UPP2: variants seen among roughly 807,000 people sequenced by gnomAD.
UPP2 encodes the protein UPase 2.
Under a neutral mutation model 26.7 loss-of-function variants are expected in UPP2, and 23 were observed. The observed-to-expected ratio is 0.86, with a 90% CI of 0.62 to 1.22. The LOEUF (loss-of-function observed/expected upper bound fraction) is 1.22. Among genes scored for constraint, UPP2 ranks in the 50% most tolerant of loss-of-function variants. The pLI, the probability that UPP2 is intolerant of heterozygous loss-of-function variation, is 0.00. For synonymous variants in UPP2, 127 were observed against 141.3 expected (o/e 0.90, Z 0.72); for missense variants, 387 against 396.7 (o/e 0.98, Z 0.21).
At chr2:158,060,875 C>T (rs907460540) in intron 3 of UPP2, among the ~76,000 whole-genome samples, 4 of 152,192 alleles carry the variant, frequency 2.6e-5, no homozygotes, top group Admixed American at 2.0e-4. Context: ...CCCTGATCTT[C>T]GACTTCCGGC....
intron 3 of UPP2, among the ~76,000 whole-genome samples, chr2:158,088,741 G>A (rs975904240): frequency 4.6e-5 from 7 of 152,174 alleles, no homozygotes; most frequent in Admixed American, 1.3e-4. Flanking sequence ...TGCAGTGATT[G>A]TAATTTCTCT....
At chr2:158,083,862 G>T (rs77373443) in intron 3 of UPP2, among the ~76,000 whole-genome samples, 2,880 of 136,050 alleles carry the variant, frequency 0.021, 82 homozygotes, top group African/African-American at 0.072. Flanking sequence ...ATATATATAT[G>T]TTTTTTATAT....
chr2:158,029,901 GT>G, intron 3 of UPP2, among the ~76,000 whole-genome samples: 1 of 151,376 alleles, frequency 6.6e-6, no homozygotes, highest in East Asian at 1.9e-4. Context: ...ACAAAAATGC[GT>G]TTTAGAAAGC....
intron 3 of UPP2, among the ~76,000 whole-genome samples, chr2:158,092,708 G>C (rs1361785036): frequency 6.6e-6 from 1 of 152,104 alleles, no homozygotes; most frequent in Non-Finnish European, 1.5e-5. Flanking sequence ...AGGGAGGAAG[G>C]GATGAAAACA....
chr2:158,068,531 G>T (rs1682473916), intron 3 of UPP2, among the ~76,000 whole-genome samples: 1 of 151,694 alleles, frequency 6.6e-6, no homozygotes, highest in African/African-American at 2.4e-5. Flanking sequence ...CTCCCCCGCT[G>T]TTCTGTTTGA....
chr2:158,123,430 A>G (rs1683616769), intron 5 of UPP2, among the ~76,000 whole-genome samples: 1 of 152,054 alleles, frequency 6.6e-6, no homozygotes, highest in Non-Finnish European at 1.5e-5. Flanking sequence ...CTCAAAGGGC[A>G]GCTCTCACAG....
Position 158,092,915 on chromosome 2 carries a change from G to C in UPP2, c.148-9125G>C, listed in dbSNP as rs192811494. 1.3e-3 allele frequency among the ~76,000 whole-genome samples: 195 copies of C among 152,136 alleles called. 1 individual carries two copies. The highest frequency in any genetic ancestry group is 4.5e-3 in the African/African-American group (187 of 41,496). On this transcript the variant is annotated intron_variant, in intron 3 of 9. Coordinates refer to the UPP2 transcript ENST00000605860. ...ACTTCCAAAATAACAGAGGGAAATGGGGTCTGCAAAGAATCATGTAATCAT... is the reference window on the plus strand; with the variant it reads ...ACTTCCAAAATAACAGAGGGAAATGCGGTCTGCAAAGAATCATGTAATCAT...
At chr2:158,012,811 G>A (rs1683601629) in intron 2 of UPP2, among the ~76,000 whole-genome samples, 1 of 152,054 alleles carries the variant, frequency 6.6e-6, no homozygotes, top group Admixed American at 6.5e-5. Flanking sequence ...ATGTTTTTAT[G>A]TGTACATATA....
At chr2:158,107,348 T>G (rs989757385) in intron 2 of UPP2, among the ~76,000 whole-genome samples, 1 of 152,198 alleles carries the variant, frequency 6.6e-6, no homozygotes, top group Non-Finnish European at 1.5e-5. Context: ...CTCTTTTGGA[T>G]GGGTTTAGCA....
intron 3 of UPP2, among the ~76,000 whole-genome samples, chr2:158,069,605 T>C (rs1355653396): frequency 1.3e-5 from 2 of 152,182 alleles, no homozygotes; most frequent in East Asian, 1.9e-4. Flanking sequence ...TGTGTTCTTT[T>C]GTAGCAGAAT....
chr2:158,019,427 T>C (rs998364069), intron 3 of UPP2, among the ~76,000 whole-genome samples: 2 of 151,960 alleles, frequency 1.3e-5, no homozygotes, highest in Non-Finnish European at 2.9e-5. Context: ...GTGGGGAAAA[T>C]GTTCAGAAGC....
intron 2 of UPP2, among the ~76,000 whole-genome samples, 175 bp from the exon 3 acceptor site, chr2:158,114,926 C>T (rs1443363288): frequency 6.6e-6 from 1 of 152,136 alleles, no homozygotes; most frequent in African/African-American, 2.4e-5. Flanking sequence ...GCATCTGTTG[C>T]TTTATTTACA....
At chr2:158,093,639 G>A (rs1429753238) in intron 3 of UPP2, among the ~76,000 whole-genome samples, 1 of 151,904 alleles carries the variant, frequency 6.6e-6, no homozygotes, top group Non-Finnish European at 1.5e-5. Context: ...TAGTAATCAG[G>A]GAAATGAAAT....
At position 158,121,489 on chromosome 2, in the gene UPP2, GACA is replaced by G; in HGVS notation, c.539_541del (p.Asn180del). The G allele has an allele frequency of 6.2e-6, 10 of 1,613,386 alleles. No homozygotes were observed. Among genetic ancestry groups the G allele is most frequent in the Non-Finnish European group, 8.5e-6 (10 of 1,179,452 alleles). On this transcript the variant is annotated inframe_deletion, in exon 5 of 7. Transcript: ENST00000005756. ...GCCCCGGTTTGAACAGGTCATTTTGGACAACATTGTCACCCGAAGTACTGAACT... is the reference window on the plus strand; with the variant it reads ...GCCCCGGTTTGAACAGGTCATTTTGGACATTGTCACCCGAAGTACTGAACT...
intron 3 of UPP2, among the ~76,000 whole-genome samples, chr2:158,034,560 G>C (rs1683972480): frequency 6.6e-6 from 1 of 152,238 alleles, no homozygotes; most frequent in Non-Finnish European, 1.5e-5. Context: ...TTGAGTGACA[G>C]AGCTTCCAAG....
upstream of UPP2, among the ~76,000 whole-genome samples, chr2:158,101,405 GT>G (rs2105209949): frequency 6.6e-6 from 1 of 152,270 alleles, no homozygotes; most frequent in East Asian, 1.9e-4. Flanking sequence ...AATAAGTTTT[GT>G]TTAATTATCA....
intron 3 of UPP2, among the ~76,000 whole-genome samples, chr2:158,076,166 G>A (rs888593442): frequency 7.2e-5 from 11 of 151,856 alleles, no homozygotes; most frequent in African/African-American, 2.4e-4. Context: ...CAACAAGATC[G>A]AAGTTGTAAT....
chr2:158,103,634 A>C (rs1241211617), intron 1 of UPP2, among the ~76,000 whole-genome samples: 1 of 152,242 alleles, frequency 6.6e-6, no homozygotes, highest in Non-Finnish European at 1.5e-5. Flanking sequence ...GTCTTGGCAG[A>C]GTGAAACAGA....
At chr2:158,006,717 G>C (rs1304461411) in intron 2 of UPP2, among the ~76,000 whole-genome samples, 1 of 152,182 alleles carries the variant, frequency 6.6e-6, no homozygotes. Context: ...ACCATCTCCA[G>C]TGGGCGTCTT....
Sources: allele counts gnomAD v4.1 joint callset (sites outside exome capture counted in the v4.1 genomes callset), GRCh38; gene constraint gnomAD v4.1.1; transcripts MANE v1.5; gene names NCBI Gene and HGNC (gene_info 2026-07-23, HGNC 2026-07-21).